CDK6: variants seen among roughly 807,000 people sequenced by gnomAD.
CDK6 encodes the protein cyclin dependent kinase 6.
CDK6 carries 6 observed loss-of-function variants against 37.1 expected under a neutral mutation model. That is an observed-to-expected ratio of 0.16 (90% CI 0.09 to 0.32). CDK6 has a LOEUF of 0.32. CDK6 is among the 10% of genes least tolerant of loss of function. The pLI is 1.00. For synonymous variants in CDK6, 160 were observed against 161.3 expected (o/e 0.99, Z 0.06); for missense variants, 224 against 418.9 (o/e 0.53, Z 4.06).
chr7:92,743,193 T>C (rs886181219), intron 3 of CDK6, among the ~76,000 whole-genome samples: 1 of 151,752 alleles, frequency 6.6e-6, no homozygotes, highest in African/African-American at 2.4e-5. Flanking sequence ...CTGGCCAACA[T>C]GGTGAAACCC....
chr7:92,805,397 A>AT (rs1288727799), intron 2 of CDK6, among the ~76,000 whole-genome samples: 7 of 152,058 alleles, frequency 4.6e-5, no homozygotes, highest in Non-Finnish European at 8.8e-5. Context: ...ATAAAAATCC[A>AT]TTTTCCGTCA....
intron 5 of CDK6, among the ~76,000 whole-genome samples, chr7:92,664,441 G>A (rs548201910): frequency 1.3e-4 from 20 of 152,296 alleles, no homozygotes; most frequent in African/African-American, 4.8e-4. Flanking sequence ...AGTAACCAAT[G>A]GGAAAATTGG....
At chr7:92,679,055 G>A (rs1007054009) in intron 4 of CDK6, among the ~76,000 whole-genome samples, 3 of 152,160 alleles carry the variant, frequency 2.0e-5, no homozygotes, top group African/African-American at 7.2e-5. Flanking sequence ...TAAGACTCAG[G>A]TCATAGCACC....
chr7:92,708,849 T>C (rs1798023693), intron 4 of CDK6, among the ~76,000 whole-genome samples: 1 of 152,312 alleles, frequency 6.6e-6, no homozygotes, highest in East Asian at 1.9e-4. Flanking sequence ...GAAATTACTA[T>C]ACATATTCAA....
rs551124050 is a variant in CDK6 at position 92,685,185 on chromosome 7, T to A, written c.538-13650A>T. Among the ~76,000 whole-genome samples the A allele has an allele frequency of 3.9e-5, 6 of 152,358 alleles. No individual in the cohort carries two copies. In the South Asian group the frequency reaches 1.2e-3, roughly 32 times the overall value. ...TTACAGAATATATACATTCATTTGC[T>A]CTTAATGAGCCACAATGCTTTTCTT... On this transcript the variant is annotated intron_variant, in intron 4 of 7. Coordinates refer to ENST00000424848, the MANE Select transcript of CDK6 (RefSeq NM_001145306.2).
At chr7:92,680,266 C>T (rs557781597) in intron 4 of CDK6, among the ~76,000 whole-genome samples, 5 of 150,206 alleles carry the variant, frequency 3.3e-5, no homozygotes, top group Non-Finnish European at 7.4e-5. Context: ...AACCCCGTCT[C>T]TACTAAAAAT....
At chr7:92,827,356 T>C (rs1338018353) in intron 2 of CDK6, among the ~76,000 whole-genome samples, 2 of 152,170 alleles carry the variant, frequency 1.3e-5, no homozygotes, top group East Asian at 3.8e-4. Flanking sequence ...CAAACTACTA[T>C]AGACAAAGGA....
chr7:92,825,281 A>G (rs1259893084), intron 2 of CDK6, among the ~76,000 whole-genome samples: 3 of 152,172 alleles, frequency 2.0e-5, no homozygotes, highest in African/African-American at 7.2e-5. Context: ...CTCATTTCTA[A>G]CTAAAAAAAA....
At chr7:92,650,289 C>A (rs1293963324) in intron 5 of CDK6, among the ~76,000 whole-genome samples, 1 of 152,198 alleles carries the variant, frequency 6.6e-6, no homozygotes, top group Non-Finnish European at 1.5e-5. Flanking sequence ...GAGAATAAAG[C>A]TCCTACTGAG....
rs550034756 is a variant in CDK6, at chr7:92,738,640, GA to G, written c.370-12848del. 6.0e-3 allele frequency among the ~76,000 whole-genome samples: 769 copies of G among 128,564 alleles called. 8 individuals are homozygous for G. The highest frequency in any genetic ancestry group is 0.038 in the East Asian group (169 of 4,492). 84.3% of individuals were successfully genotyped at this position (128,564 alleles called of 152,430 possible). ...GCAACAAGGGCAAAACTCCATCTCC[GA>G]AAAAAAAAAAAAAAATTGGTATTAC... On this transcript the variant is annotated intron_variant, in intron 3 of 7. Transcript: ENST00000424848.
At chr7:92,663,997 CG>C (rs1796897929) in intron 5 of CDK6, among the ~76,000 whole-genome samples, 1 of 150,756 alleles carries the variant, frequency 6.6e-6, no homozygotes. Context: ...AAAAATTAGC[CG>C]GGCACGGGGG....
intron 5 of CDK6, among the ~76,000 whole-genome samples, chr7:92,648,682 T>TG (rs1440723169): frequency 2.6e-5 from 4 of 152,182 alleles, no homozygotes; most frequent in African/African-American, 9.6e-5. Flanking sequence ...CAATACGTAT[T>TG]GGATGACCGA....
At chr7:92,633,519 CCAAA>C (rs1194644621) in intron 5 of CDK6, among the ~76,000 whole-genome samples, 3 of 151,966 alleles carry the variant, frequency 2.0e-5, no homozygotes, top group Non-Finnish European at 4.4e-5. Flanking sequence ...TCTGCATGGG[CCAAA>C]CAAAGGAAAG....
At chr7:92,712,740 T>G (rs150499391) in intron 4 of CDK6, among the ~76,000 whole-genome samples, 3 of 152,360 alleles carry the variant, frequency 2.0e-5, no homozygotes, top group East Asian at 3.9e-4. Flanking sequence ...AATATTGTGC[T>G]ACATTTTTAA....
intron 2 of CDK6, among the ~76,000 whole-genome samples, chr7:92,805,711 G>C (rs6975431): frequency 9.6e-4 from 146 of 152,278 alleles, no homozygotes; most frequent in African/African-American, 3.5e-3. Flanking sequence ...GAGGCTCCTG[G>C]TATCCAGAAC....
chr7:92,831,620 T>C (rs1232701688), intron 2 of CDK6, among the ~76,000 whole-genome samples: 2 of 152,224 alleles, frequency 1.3e-5, no homozygotes, highest in Non-Finnish European at 2.9e-5. Flanking sequence ...AAGTCATCTA[T>C]AGGTTTTTAT....
At chr7:92,650,413 CTTTTGTTGTTTTT>C (rs1415533240) in intron 5 of CDK6, among the ~76,000 whole-genome samples, 5 of 151,936 alleles carry the variant, frequency 3.3e-5, no homozygotes, top group African/African-American at 4.8e-5. Context: ...ATTCCACGAT[CTTTTGTTGTTTTT>C]TTTTGTTGTT....
rs1166731494 is a variant in CDK6, at chr7:92,833,495, G to A, written c.-172C>T. On this transcript the variant is annotated 5_prime_UTR_variant, in exon 2 of 8. Coordinates refer to ENST00000424848, the MANE Select transcript of CDK6 (RefSeq NM_001145306.2). This position sits in a 1 kb window ranked among gnomAD's most constrained non-coding sequence, Gnocchi z 6.1. ...TGGGGCTTTCGCCGCTGCAGAAGCT[G>A]GATGGAGAGACCTCCCCGCGGGGCT... The A allele has an allele frequency of 2.1e-5, 12 of 569,004 alleles. No homozygotes were observed. Among genetic ancestry groups the A allele is most frequent in the Admixed American group, 3.5e-5 (1 of 28,468 alleles). The allele number at this position is 569,004 out of a possible 1,614,324, so 35.2% of individuals were successfully genotyped here.
chr7:92,777,947 C>T (rs1799891146), intron 2 of CDK6, among the ~76,000 whole-genome samples: 1 of 152,156 alleles, frequency 6.6e-6, no homozygotes, highest in South Asian at 2.1e-4. Context: ...AGGTCCTTCA[C>T]ATCCCTTTTG....
Sources: allele counts gnomAD v4.1 joint callset (sites outside exome capture counted in the v4.1 genomes callset), GRCh38; gene constraint gnomAD v4.1.1; non-coding constraint Gnocchi (gnomAD v3.1); transcripts MANE v1.5; gene names NCBI Gene and HGNC (gene_info 2026-07-23, HGNC 2026-07-21).